The following STXBP5 variants were observed in gnomAD, a reference collection of about 807,000 sequenced individuals.
STXBP5 encodes the protein syntaxin binding protein 5.
A neutral mutation model predicts 152.4 loss-of-function variants in STXBP5; 50 were observed. The observed-to-expected ratio is 0.33, with a 90% confidence interval of 0.26 to 0.42. The LOEUF (loss-of-function observed/expected upper bound fraction) is 0.42, where lower values mean the gene tolerates loss of function less well. STXBP5 is among the 10% of genes least tolerant of loss of function. The pLI is 1.00. For synonymous variants in STXBP5, 492 were observed against 494.7 expected (o/e 0.99, Z 0.07); for missense variants, 1,167 against 1,388.6 (o/e 0.84, Z 2.54).
intron 4 of STXBP5, among the ~76,000 whole-genome samples, chr6:147,251,985 G>T (rs1182984712): frequency 6.6e-6 from 1 of 152,120 alleles, no homozygotes; most frequent in Non-Finnish European, 1.5e-5. Flanking sequence ...CAGACCTGCA[G>T]CCTGACTGTT....
chr6:147,249,195 A>G (rs1182403287), intron 4 of STXBP5, among the ~76,000 whole-genome samples: 3 of 152,188 alleles, frequency 2.0e-5, no homozygotes, highest in African/African-American at 7.2e-5. Flanking sequence ...ACCTACAGAA[A>G]TAATAAATGG....
At chr6:147,320,375 T>G (rs532270201) in intron 16 of STXBP5, among the ~76,000 whole-genome samples, 2 of 152,182 alleles carry the variant, frequency 1.3e-5, no homozygotes, top group Non-Finnish European at 2.9e-5. Context: ...TGCTCCCAAA[T>G]GAACACAGGT....
chr6:147,307,251 A>C (rs1027323210), intron 9 of STXBP5, among the ~76,000 whole-genome samples: 5 of 152,208 alleles, frequency 3.3e-5, no homozygotes, highest in African/African-American at 1.2e-4. Flanking sequence ...TGTCTTCCAA[A>C]ATGAGAAGGG....
At chr6:147,381,014 G>A (rs781396813) in intron 26 of STXBP5, among the ~76,000 whole-genome samples, 4 of 152,148 alleles carry the variant, frequency 2.6e-5, no homozygotes, top group Non-Finnish European at 4.4e-5. Flanking sequence ...ATCTTACATG[G>A]CAGCAGGCAA....
intron 2 of STXBP5, among the ~76,000 whole-genome samples, chr6:147,226,283 A>G (rs1328114211): frequency 2.0e-5 from 3 of 151,144 alleles, no homozygotes; most frequent in African/African-American, 4.9e-5. Context: ...ACCCTGGGTG[A>G]CAGTGATACC....
At chr6:147,267,268 A>G in intron 7 of STXBP5, 101 bp downstream of exon 7, 2 of 828,008 alleles carry the variant, frequency 2.4e-6, no homozygotes, top group South Asian at 3.5e-5. Flanking sequence ...AAACTTTGTA[A>G]TTGCAGTAAT....
chr6:147,281,272 G>C (rs933778017), intron 8 of STXBP5, among the ~76,000 whole-genome samples: 2 of 152,012 alleles, frequency 1.3e-5, no homozygotes, highest in Non-Finnish European at 2.9e-5. Context: ...TGGCCAGGCT[G>C]GTCTCAAACT....
intron 26 of STXBP5, among the ~76,000 whole-genome samples, chr6:147,381,620 G>T (rs1786087494): frequency 6.6e-6 from 1 of 152,028 alleles, no homozygotes. Flanking sequence ...CCAAAAAGTG[G>T]AAACAACCCA....
rs147129232 is a variant in STXBP5, at chr6:147,255,136, G to A, written c.432-5479G>A. On this transcript the variant is annotated intron_variant, in intron 4 of 27. Coordinates refer to ENST00000321680, the MANE Select transcript of STXBP5 (RefSeq NM_001127715.4). Reference sequence around the variant, plus strand: ...TATACACCTGGAATACCATGCAGCCGTAAAAAAGGATGAGATCATGTCCTT... The same window carrying A: ...TATACACCTGGAATACCATGCAGCCATAAAAAAGGATGAGATCATGTCCTT... Among the ~76,000 whole-genome samples, 759 of 152,256 alleles carry A rather than the reference G, an allele frequency of 5.0e-3. 9 individuals are homozygous for A. Among genetic ancestry groups the A allele is most frequent in the African/African-American group, 0.016 (685 of 41,552 alleles).
intron 2 of STXBP5, among the ~76,000 whole-genome samples, chr6:147,211,098 T>G (rs1776824883): frequency 6.6e-6 from 1 of 151,494 alleles, no homozygotes; most frequent in African/African-American, 2.4e-5. Flanking sequence ...GGTCATGAGG[T>G]CAGGAGTTTG....
At chr6:147,339,045 C>A (rs1783969820) in intron 19 of STXBP5, 134 bp from the exon 20 acceptor site, 1 of 702,710 alleles carries the variant, frequency 1.4e-6, no homozygotes, top group Non-Finnish European at 2.4e-6. Flanking sequence ...TATACATGGC[C>A]TCTTCTTGTG....
intron 10 of STXBP5, 61 bp downstream of exon 10, chr6:147,310,299 A>AG: frequency 8.1e-7 from 1 of 1,233,972 alleles, no homozygotes; most frequent in Non-Finnish European, 1.0e-6. Context: ...AAAAAAAAAA[A>AG]GACCTAGGTT....
chr6:147,323,063 CCCTT>C (rs1460018687), intron 16 of STXBP5, among the ~76,000 whole-genome samples: 9 of 151,236 alleles, frequency 6.0e-5, no homozygotes, highest in Non-Finnish European at 1.2e-4. Context: ...CTCCCTCCCT[CCCTT>C]CCTTCTGTCT....
intron 8 of STXBP5, among the ~76,000 whole-genome samples, chr6:147,282,424 A>G (rs970382276): frequency 1.3e-5 from 2 of 152,160 alleles, no homozygotes. Context: ...TGTAAGTGCT[A>G]TGTGTGAAAT....
rs1783814232 is a variant in STXBP5 at position 147,336,103 on chromosome 6, TG to T, written c.2146+1882del. ...TATTCTGAAAAACATAGGAATTCTC[TG>T]AGACATTATGTCGGTTTCTCCATAT... On this transcript the variant is annotated intron_variant, in intron 19 of 27. Transcript: ENST00000321680. Among the ~76,000 whole-genome samples the T allele has an allele frequency of 2.0e-5, 3 of 152,346 alleles. No homozygotes were observed. The East Asian group carries it at 5.8e-4, about 29-fold the overall frequency.
At chr6:147,264,771 A>G (rs1452707118) in intron 6 of STXBP5, among the ~76,000 whole-genome samples, 1 of 152,038 alleles carries the variant, frequency 6.6e-6, no homozygotes, top group African/African-American at 2.4e-5. Context: ...TTAGTTTTCT[A>G]TTTTTAAATA....
chr6:147,266,943 A>G, intron 6 of STXBP5, 141 bp from the exon 7 acceptor site: 2 of 690,880 alleles, frequency 2.9e-6, no homozygotes, highest in Non-Finnish European at 4.9e-6. Flanking sequence ...CGTGATTACT[A>G]ATTAGCAATG....
chr6:147,329,084 C>G (rs1582952375), intron 18 of STXBP5, among the ~76,000 whole-genome samples: 1 of 151,840 alleles, frequency 6.6e-6, no homozygotes, highest in Admixed American at 6.6e-5. Context: ...AAAAATTACA[C>G]TATCCATAAA....
At chr6:147,282,882 A>T (rs1444951674) in intron 8 of STXBP5, among the ~76,000 whole-genome samples, 1 of 152,142 alleles carries the variant, frequency 6.6e-6, no homozygotes, top group Non-Finnish European at 1.5e-5. Context: ...AAGGAAATGG[A>T]GGTGCTAGAC....
Sources: allele counts gnomAD v4.1 joint callset (sites outside exome capture counted in the v4.1 genomes callset), GRCh38; gene constraint gnomAD v4.1.1; transcripts MANE v1.5; gene names NCBI Gene and HGNC (gene_info 2026-07-23, HGNC 2026-07-21).